Variants in CAST observed in about 807,000 individuals in gnomAD.
CAST encodes the protein calpastatin.
CAST carries 76 observed loss-of-function variants against 119.6 expected under a neutral mutation model. The ratio of observed to expected loss-of-function variants is 0.64; its 90% CI spans 0.53 to 0.77. The LOEUF is 0.77. Ranked by LOEUF, CAST falls within the 30% of genes least tolerant of loss-of-function variation. CAST has a pLI of 0.00. For missense variants in CAST, 953 were observed against 946.5 expected (o/e 1.01, Z -0.09); for synonymous variants, 319 against 331.6 (o/e 0.96, Z 0.41).
At chr5:96,680,402 GA>G (rs1183310403) in intron 2 of CAST, among the ~76,000 whole-genome samples, 1 of 131,136 alleles carries the variant, frequency 7.6e-6, no homozygotes, top group Non-Finnish European at 1.6e-5. Context: ...AAGAAAAATG[GA>G]AAATAAACAC....
chr5:96,149,114 G>A, the CAST span, among the ~76,000 whole-genome samples: 329 of 152,332 alleles, frequency 2.2e-3, 1 homozygote, highest in Admixed American at 4.1e-3. Flanking sequence ...TTGACTTGGC[G>A]TATGGAGTCT....
chr5:96,501,090 T>A, the CAST span, among the ~76,000 whole-genome samples: 1 of 152,138 alleles, frequency 6.6e-6, no homozygotes, highest in African/African-American at 2.4e-5. Context: ...GGCTGAGGCG[T>A]CAACCTGAAA....
At chr5:96,486,071 C>T in the CAST span, among the ~76,000 whole-genome samples, 1 of 152,062 alleles carries the variant, frequency 6.6e-6, no homozygotes. Flanking sequence ...CTAAGTTAAA[C>T]AACAAAATTA....
the CAST span, among the ~76,000 whole-genome samples, chr5:96,430,490 A>C: frequency 6.6e-6 from 1 of 152,206 alleles, no homozygotes; most frequent in African/African-American, 2.4e-5. Context: ...AGAAATCAGC[A>C]GCCGCAGAAA....
At chr5:96,196,870 A>G in the CAST span, among the ~76,000 whole-genome samples, 1 of 152,208 alleles carries the variant, frequency 6.6e-6, no homozygotes. Context: ...CTAAGAGTGG[A>G]GTGAGGAAGA....
At chr5:96,509,613 T>A in the CAST span, among the ~76,000 whole-genome samples, 1 of 152,164 alleles carries the variant, frequency 6.6e-6, no homozygotes, top group Non-Finnish European at 1.5e-5. Flanking sequence ...ATAACCTGGA[T>A]TGGCTATGGG....
At chr5:96,533,965 A>G (rs1213701309) in intron 1 of CAST, among the ~76,000 whole-genome samples, 2 of 152,222 alleles carry the variant, frequency 1.3e-5, no homozygotes, top group South Asian at 2.1e-4. Context: ...ATTTCCTAAA[A>G]TAAATTAAAT....
the CAST span, among the ~76,000 whole-genome samples, chr5:96,159,836 A>G: frequency 6.6e-6 from 1 of 152,010 alleles, no homozygotes; most frequent in Non-Finnish European, 1.5e-5. Flanking sequence ...TTCACATACC[A>G]TACAATTCAC....
chr5:96,410,041 G>T, the CAST span, among the ~76,000 whole-genome samples: 5 of 152,104 alleles, frequency 3.3e-5, no homozygotes, highest in Admixed American at 6.5e-5. Context: ...TTAGCTAGTT[G>T]GTCCTTTCTG....
chr5:96,462,939 G>A, the CAST span, among the ~76,000 whole-genome samples: 1 of 152,068 alleles, frequency 6.6e-6, no homozygotes, highest in Non-Finnish European at 1.5e-5. Context: ...CGTCATGATT[G>A]TAAGTTTCCT....
chr5:96,610,672 A>C (rs1580844762), intron 1 of CAST, among the ~76,000 whole-genome samples: 1 of 152,312 alleles, frequency 6.6e-6, no homozygotes, highest in South Asian at 2.1e-4. Context: ...TAGCCAGAGC[A>C]ATCAGGCAAA....
the CAST span, among the ~76,000 whole-genome samples, chr5:96,259,560 C>T: frequency 1.3e-5 from 2 of 152,094 alleles, no homozygotes; most frequent in African/African-American, 4.8e-5. Flanking sequence ...TGGAAGATAG[C>T]CTTAGATTCC....
chr5:96,527,132 A>T (rs953121569), upstream of CAST, among the ~76,000 whole-genome samples: 1 of 152,160 alleles, frequency 6.6e-6, no homozygotes, highest in African/African-American at 2.4e-5. Context: ...TTAAATATAC[A>T]TTTATCTCAG....
At chr5:96,059,297 G>A in the CAST span, among the ~76,000 whole-genome samples, 2 of 152,164 alleles carry the variant, frequency 1.3e-5, no homozygotes, top group Non-Finnish European at 2.9e-5. Context: ...TCAGGAGGCT[G>A]AGAGCAACCA....
chr5:96,423,795 C>G, the CAST span, among the ~76,000 whole-genome samples: 1 of 152,198 alleles, frequency 6.6e-6, no homozygotes, highest in African/African-American at 2.4e-5. Flanking sequence ...TATGGAAGCT[C>G]TATTTGATAG....
chr5:96,665,731 CACACACACACAT>C lies in CAST; in HGVS notation c.75+3246_75+3257del, dbSNP rs915013432. Among the ~76,000 whole-genome samples, 33 of 151,214 alleles carry C rather than the reference CACACACACACAT, an allele frequency of 2.2e-4. No homozygotes were observed. The East Asian group carries it at 3.7e-3, about 17-fold the overall frequency. Reference sequence around the variant, plus strand: ...GTCCATGGAGCCAGTTTATAACACACACACACACACATACACACACACACACACATATACATA... The same window carrying C: ...GTCCATGGAGCCAGTTTATAACACACACACACACACACACACATATACATA... On this transcript the variant is annotated intron_variant, in intron 1 of 31. Transcript: ENST00000675179.
chr5:96,228,759 A>G, the CAST span, among the ~76,000 whole-genome samples: 39 of 152,196 alleles, frequency 2.6e-4, no homozygotes, highest in African/African-American at 9.4e-4. Context: ...AGTTGACTGT[A>G]TTTCAAAACC....
the CAST span, among the ~76,000 whole-genome samples, chr5:96,012,206 G>A: frequency 6.6e-6 from 1 of 152,156 alleles, no homozygotes; most frequent in Admixed American, 6.5e-5. Flanking sequence ...TGTCACTGCA[G>A]TTCCTTCTCT....
At chr5:96,097,380 G>A in the CAST span, among the ~76,000 whole-genome samples, 2 of 151,026 alleles carry the variant, frequency 1.3e-5, no homozygotes, top group Non-Finnish European at 2.9e-5. Context: ...ACAAGTGCAG[G>A]TTTGTTATAT....
Sources: gnomAD v4.1 joint callset for allele counts (sites outside exome capture counted in the v4.1 genomes callset) on GRCh38, gnomAD v4.1.1 for gene constraint, MANE v1.5 for transcripts, NCBI Gene and HGNC (gene_info 2026-07-23, HGNC 2026-07-21) for gene names.